The following ZBTB8A variants were observed in gnomAD, a reference collection of about 807,000 sequenced individuals.
ZBTB8A encodes zinc finger and BTB domain containing 8A.
A neutral mutation model predicts 37.8 loss-of-function variants in ZBTB8A; 19 were observed. That is an observed-to-expected ratio of 0.50 (90% CI 0.35 to 0.74). The LOEUF (loss-of-function observed/expected upper bound fraction) is 0.74, where lower values mean the gene tolerates loss of function less well. ZBTB8A is among the 30% of genes least tolerant of loss of function. The pLI is 0.01. For synonymous variants in ZBTB8A, 181 were observed against 185.2 expected, an observed-to-expected ratio of 0.98 and a Z score of 0.19; for missense variants, 394 against 537.8, an observed-to-expected ratio of 0.73 and a Z score of 2.65.
At chr1:32,566,066 G>T (rs1644276563) in intron 2 of ZBTB8A, among the ~76,000 whole-genome samples, 1 of 152,128 alleles carries the variant, frequency 6.6e-6, no homozygotes, top group Non-Finnish European at 1.5e-5. Flanking sequence ...GCCAGGCGTG[G>T]TGGCGGGCAC....
rs761330427 is a variant in ZBTB8A at position 32,597,741 on chromosome 1, TTTTG to T, written c.994-2326_994-2323del. Reference sequence around the variant, plus strand: ...ACAATACCACATTTGATACCCATAGTTTTGTTTGTTTGTTTGTTTGTTTTTTGAG... The same window carrying T: ...ACAATACCACATTTGATACCCATAGTTTTGTTTGTTTGTTTGTTTTTTGAG... On this transcript the variant is annotated intron_variant, in intron 4 of 4. Transcript: ENST00000373510. Among the ~76,000 whole-genome samples the T allele has an allele frequency of 6.0e-4, 92 of 152,082 alleles. 1 individual carries two copies. Among genetic ancestry groups the T allele is most frequent in the Middle Eastern group, 3.4e-3 (1 of 294 alleles).
At chr1:32,568,390 ATTC>A (rs1237201349) in intron 2 of ZBTB8A, among the ~76,000 whole-genome samples, 4 of 149,612 alleles carry the variant, frequency 2.7e-5, no homozygotes, top group African/African-American at 9.8e-5. Flanking sequence ...AGTTCTGCCT[ATTC>A]TTTTTTTTTT....
chr1:32,562,067 A>C (rs1442797925), intron 2 of ZBTB8A, among the ~76,000 whole-genome samples: 2 of 151,284 alleles, frequency 1.3e-5, no homozygotes, highest in Admixed American at 6.6e-5. Context: ...CTCCTGCCTC[A>C]GCCTCCAAAC....
chr1:32,585,712 T>A (rs1644442534), intron 2 of ZBTB8A, among the ~76,000 whole-genome samples: 1 of 152,056 alleles, frequency 6.6e-6, no homozygotes, highest in Non-Finnish European at 1.5e-5. Flanking sequence ...GAAAAAAATG[T>A]TACTTGAAGC....
rs561283745 is a variant in ZBTB8A, at chr1:32,590,894, T to C, written c.-1-2037T>C. Among the ~76,000 whole-genome samples, 5 of 152,070 alleles carry C rather than the reference T, an allele frequency of 3.3e-5. No individual in the cohort carries two copies. The East Asian group carries it at 9.7e-4, about 29-fold the overall frequency. Reference sequence around the variant, plus strand: ...ACTTCATACAAGTCTTTGTTGAATTTAATTTAACTTTTTTTTTAATACGGA... The same window carrying C: ...ACTTCATACAAGTCTTTGTTGAATTCAATTTAACTTTTTTTTTAATACGGA... On this transcript the variant is annotated intron_variant, in intron 2 of 4. Transcript: ENST00000373510.
intron 2 of ZBTB8A, among the ~76,000 whole-genome samples, chr1:32,568,872 C>G (rs973253335): frequency 6.6e-6 from 1 of 152,192 alleles, no homozygotes; most frequent in African/African-American, 2.4e-5. Flanking sequence ...TATTCACCAG[C>G]AGACGCACAT....
chr1:32,576,373 C>A (rs1644359013), intron 2 of ZBTB8A, among the ~76,000 whole-genome samples: 1 of 152,136 alleles, frequency 6.6e-6, no homozygotes, highest in South Asian at 2.1e-4. Context: ...GTTTCTGGAA[C>A]CTCAGTTACA....
rs76890162 is a variant in ZBTB8A at position 32,604,364 on chromosome 1, A to G, written c.*3945A>G. On this transcript the variant is annotated 3_prime_UTR_variant, in exon 5 of 5. Transcript: ENST00000373510. ...AGAGCTGCTGTGGTTAAAGTCCCCC[A>G]CAAACCTTTCCCCAGACACCTCTGC... is the stretch of plus-strand genomic sequence containing the variant. 193 of 152,324 alleles carry G rather than the reference A, an allele frequency of 1.3e-3. No homozygotes were observed. Among genetic ancestry groups the G allele is most frequent in the African/African-American group, 4.5e-3 (187 of 41,582 alleles). The allele number at this position is 152,324 out of a possible 1,614,324, so 9.4% of individuals were successfully genotyped here. A position where few individuals can be genotyped will look rare whatever the true frequency, so the allele number is the denominator to read the frequency against.
intron 1 of ZBTB8A, among the ~76,000 whole-genome samples, chr1:32,540,230 G>C (rs956721940): frequency 1.3e-5 from 2 of 152,120 alleles, no homozygotes; most frequent in African/African-American, 4.8e-5. Flanking sequence ...TTGTGAGTTA[G>C]TCAGCGGCTT....
chr1:32,549,264 C>G (rs576247759), intron 1 of ZBTB8A, among the ~76,000 whole-genome samples: 2 of 152,016 alleles, frequency 1.3e-5, no homozygotes, highest in African/African-American at 4.8e-5. Flanking sequence ...GAGGCCGAGG[C>G]GGGCGGATCA....
chr1:32,543,739 C>T (rs951058808), intron 1 of ZBTB8A, among the ~76,000 whole-genome samples: 11 of 151,948 alleles, frequency 7.2e-5, no homozygotes, highest in African/African-American at 1.7e-4. Flanking sequence ...TGCAATGGCG[C>T]GATCTCGGCT....
intron 2 of ZBTB8A, among the ~76,000 whole-genome samples, chr1:32,590,418 T>G (rs1159817890): frequency 1.3e-5 from 2 of 152,100 alleles, no homozygotes; most frequent in Non-Finnish European, 2.9e-5. Flanking sequence ...GAATTTTTAG[T>G]CCCTTTTCAC....
chr1:32,560,606 CT>C (rs1034449689), intron 2 of ZBTB8A, among the ~76,000 whole-genome samples: 1 of 129,572 alleles, frequency 7.7e-6, no homozygotes, highest in Non-Finnish European at 1.7e-5. Flanking sequence ...TTTTTCTTTT[CT>C]TTTCTTTCTT....
At position 32,600,409 on chromosome 1, in the gene ZBTB8A, A is replaced by G. The variant is rs138766553; in HGVS notation, c.1316A>G (p.Asn439Ser). 17 of 1,609,416 alleles carry G rather than the reference A, an allele frequency of 1.1e-5. 1 individual carries two copies. In the Admixed American group the frequency reaches 1.3e-4, roughly 13 times the overall value. The change falls in exon 5 of 5, where the codon AAC becomes AGC. Residue 439 changes from asparagine to serine, a missense_variant. Around this residue, in one of 4 missense-constraint regions of ZBTB8A, gnomAD observed 85 missense variants for 89.0 expected, o/e 0.95. Coordinates refer to ENST00000373510, the MANE Select transcript of ZBTB8A (RefSeq NM_001040441.3). ...GAAGAAGAAAAAGAAATTAAGCCCA[A>G]CATTAGGTAGCTGTAATGTGAACCA... Reference protein sequence around the residue: ...EEEEEKEIKPNIR With the variant: ...EEEEEKEIKPSIR
At chr1:32,592,891 A>T in intron 2 of ZBTB8A, 40 bp from the exon 3 acceptor site, 1 of 1,485,414 alleles carries the variant, frequency 6.7e-7, no homozygotes, top group Non-Finnish European at 9.1e-7. Flanking sequence ...AATAATTGTA[A>T]TGTAGGTTTT....
intron 2 of ZBTB8A, among the ~76,000 whole-genome samples, chr1:32,566,047 A>G (rs546448127): frequency 4.9e-4 from 75 of 151,964 alleles, no homozygotes; most frequent in African/African-American, 1.8e-3. Flanking sequence ...TAAAAATACA[A>G]AAAAATTAGC....
At chr1:32,539,883 G>C (rs1378362905) in intron 1 of ZBTB8A, among the ~76,000 whole-genome samples, 1 of 149,828 alleles carries the variant, frequency 6.7e-6, no homozygotes, top group East Asian at 2.0e-4. Context: ...ACGGCGCCGG[G>C]CGTGTCTGGA....
chr1:32,550,174 A>G (rs1644140388), intron 1 of ZBTB8A, among the ~76,000 whole-genome samples: 1 of 151,816 alleles, frequency 6.6e-6, no homozygotes, highest in East Asian at 1.9e-4. Context: ...CCTGGGCAAT[A>G]TATCGAGACC....
Position 32,547,828 on chromosome 1 carries a change from CAAA to C in ZBTB8A, c.-83-5610_-83-5608del, listed in dbSNP as rs1194254576. Among the ~76,000 whole-genome samples, 10 of 30,474 alleles carry C rather than the reference CAAA, an allele frequency of 3.3e-4. No homozygotes were observed. The East Asian group carries it at 9.2e-3, about 28-fold the overall frequency. The allele number at this position is 30,474 out of a possible 152,430, so 20.0% of individuals were successfully genotyped here. On this transcript the variant is annotated intron_variant, in intron 1 of 4. Transcript: ENST00000373510. ...TGTCTAAAACAAAAAACAAACAAAG[CAAA>C]AAAAAAAAAAAAAAAAAAAAGACCA...
Sources: allele counts gnomAD v4.1 joint callset (sites outside exome capture counted in the v4.1 genomes callset), GRCh38; gene constraint gnomAD v4.1.1; regional missense constraint gnomAD v4.1.1; transcripts MANE v1.5; gene names NCBI Gene and HGNC (gene_info 2026-07-23, HGNC 2026-07-21).